Variants in BABAM2 observed in about 807,000 individuals in gnomAD.
BABAM2 encodes BRISC and BRCA1-A complex member 2.
In BABAM2, 31 loss-of-function variants were observed where a neutral mutation model predicts 54.7. That is an observed-to-expected ratio of 0.57 (90% CI 0.43 to 0.77). BABAM2 has a LOEUF of 0.77. Ranked by LOEUF, BABAM2 falls within the 30% of genes least tolerant of loss-of-function variation. BABAM2 has a pLI of 0.00. For synonymous variants in BABAM2, 167 were observed against 162.9 expected (o/e 1.03, Z -0.19); for missense variants, 364 against 455.8 (o/e 0.80, Z 1.83).
At chr2:28,213,835 C>G (rs1679689861) in intron 7 of BABAM2, among the ~76,000 whole-genome samples, 1 of 151,116 alleles carries the variant, frequency 6.6e-6, no homozygotes, top group South Asian at 2.1e-4. Context: ...TAAAAAGCCA[C>G]TTTTTTTATC....
At chr2:28,262,704 A>G (rs1684635664) in intron 10 of BABAM2, among the ~76,000 whole-genome samples, 1 of 152,158 alleles carries the variant, frequency 6.6e-6, no homozygotes, top group Admixed American at 6.5e-5. Context: ...GCCTGTGGAC[A>G]TCCAGTTAAA....
rs1439724206 is a variant in BABAM2, at chr2:28,261,409, A to G, written c.934+16547A>G. ...TGGCACGAGGATCTTGGCTTACTGC[A>G]AGCTCCACCTCCCGGGTTCATGGCA... On this transcript the variant is annotated intron_variant, in intron 10 of 11. Coordinates refer to ENST00000379624, the MANE Select transcript of BABAM2 (RefSeq NM_199191.3). Among the ~76,000 whole-genome samples the G allele has an allele frequency of 2.0e-5, 3 of 150,806 alleles. No homozygotes were observed. The East Asian group carries it at 5.8e-4, about 29-fold the overall frequency.
intron 9 of BABAM2, among the ~76,000 whole-genome samples, chr2:28,244,352 T>C (rs1283173460): frequency 1.3e-5 from 2 of 152,272 alleles, no homozygotes; most frequent in African/African-American, 2.4e-5. Context: ...ACAGGTAGTA[T>C]GCTGACATTT....
chr2:27,923,858 G>T (rs965339619), intron 2 of BABAM2, among the ~76,000 whole-genome samples: 2 of 152,156 alleles, frequency 1.3e-5, no homozygotes, highest in African/African-American at 4.8e-5. Flanking sequence ...TGTGGTCCCA[G>T]CTACCTGGGA....
At chr2:27,963,213 C>T (rs1308213771) in intron 3 of BABAM2, among the ~76,000 whole-genome samples, 22 of 152,052 alleles carry the variant, frequency 1.4e-4, no homozygotes, top group Non-Finnish European at 2.9e-4. Context: ...CTCACGCCTG[C>T]AATCCCAGCA....
intron 6 of BABAM2, among the ~76,000 whole-genome samples, chr2:28,101,843 C>A (rs1573579467): frequency 1.4e-5 from 1 of 69,020 alleles, no homozygotes. Context: ...GCAGTTCAAT[C>A]CCCTTGTAAG....
intron 3 of BABAM2, among the ~76,000 whole-genome samples, chr2:27,948,661 C>T (rs187745031): frequency 8.5e-5 from 13 of 152,256 alleles, no homozygotes; most frequent in African/African-American, 3.1e-4. Flanking sequence ...ATCCCAGCTA[C>T]TTGGGAGGCT....
intron 2 of BABAM2, among the ~76,000 whole-genome samples, chr2:27,915,814 C>G (rs1573157025): frequency 6.6e-6 from 1 of 152,016 alleles, no homozygotes; most frequent in Admixed American, 6.6e-5. Context: ...TTGGCTCTAC[C>G]CTGTCATCAG....
chr2:28,147,250 G>C (rs567200293), intron 7 of BABAM2, among the ~76,000 whole-genome samples: 1 of 152,306 alleles, frequency 6.6e-6, no homozygotes, highest in South Asian at 2.1e-4. Flanking sequence ...TCCTGTCTTA[G>C]AAAGTCAAGT....
At chr2:28,284,734 CA>C (rs1193400463) in intron 10 of BABAM2, among the ~76,000 whole-genome samples, 1 of 152,118 alleles carries the variant, frequency 6.6e-6, no homozygotes, top group Non-Finnish European at 1.5e-5. Context: ...GCTTAGTTTT[CA>C]ACTTGTTTTG....
At chr2:27,992,656 G>T (rs1672862241) in intron 4 of BABAM2, among the ~76,000 whole-genome samples, 1 of 152,154 alleles carries the variant, frequency 6.6e-6, no homozygotes. Flanking sequence ...TTGTAGGTTG[G>T]AATTTTGGGA....
intron 10 of BABAM2, among the ~76,000 whole-genome samples, chr2:28,246,029 A>G (rs1682884718): frequency 2.0e-5 from 3 of 152,204 alleles, no homozygotes. Flanking sequence ...TAAAATTCAT[A>G]TAGAGATGAT....
At chr2:28,224,770 A>G (rs1229862987) in intron 7 of BABAM2, among the ~76,000 whole-genome samples, 2 of 147,878 alleles carry the variant, frequency 1.4e-5, no homozygotes, top group Non-Finnish European at 1.5e-5. Flanking sequence ...CAGAATTCCA[A>G]TGTTTTGACA....
intron 4 of BABAM2, among the ~76,000 whole-genome samples, chr2:28,013,694 T>TACACACACACACACACAC (rs56148921): frequency 9.1e-4 from 97 of 106,026 alleles, no homozygotes; most frequent in Admixed American, 1.6e-3. Context: ...AAAAAGCTCT[T>TACACACACACACACACAC]ACACACACAC....
At chr2:28,171,563 G>A (rs1674327110) in intron 7 of BABAM2, among the ~76,000 whole-genome samples, 1 of 152,142 alleles carries the variant, frequency 6.6e-6, no homozygotes, top group Admixed American at 6.5e-5. Flanking sequence ...CGTAATAAAG[G>A]CATTTTTTAA....
At chr2:27,967,658 C>T (rs767434958) in intron 3 of BABAM2, among the ~76,000 whole-genome samples, 25 of 152,056 alleles carry the variant, frequency 1.6e-4, no homozygotes, top group South Asian at 8.3e-4. Flanking sequence ...AAATGTGGGA[C>T]GCTTTGGAAC....
intron 7 of BABAM2, among the ~76,000 whole-genome samples, chr2:28,197,161 G>A (rs1677687719): frequency 6.6e-6 from 1 of 151,908 alleles, no homozygotes; most frequent in Admixed American, 6.6e-5. Flanking sequence ...CCAAGACCCT[G>A]CCTCTTAAAA....
At chr2:28,133,197 G>T (rs755293568) in intron 7 of BABAM2, among the ~76,000 whole-genome samples, 1 of 152,202 alleles carries the variant, frequency 6.6e-6, no homozygotes, top group South Asian at 2.1e-4. Context: ...AATTCTTCCA[G>T]AGTTCAGAGC....
chr2:27,958,328 C>G lies in BABAM2; in HGVS notation c.205+28420C>G, dbSNP rs935080551. ...GAGCAGAGATATAGAGGTTAAGTCT[C>G]CAGAGGGAGAAGGAAAAGACAAAAG... On this transcript the variant is annotated intron_variant, in intron 3 of 11. Transcript: ENST00000379624. Among the ~76,000 whole-genome samples the G allele has an allele frequency of 6.6e-5, 10 of 151,554 alleles. No individual in the cohort carries two copies. In the South Asian group the frequency reaches 1.0e-3, roughly 16 times the overall value.
Sources: gnomAD v4.1 joint callset for allele counts (sites outside exome capture counted in the v4.1 genomes callset) on GRCh38, gnomAD v4.1.1 for gene constraint, MANE v1.5 for transcripts, NCBI Gene and HGNC (gene_info 2026-07-23, HGNC 2026-07-21) for gene names.